Variants in LAMA2 observed in about 807,000 individuals in gnomAD.
LAMA2 encodes laminin subunit alpha 2.
LAMA2 carries 269 observed loss-of-function variants against 364.8 expected under a neutral mutation model. The ratio of observed to expected loss-of-function variants is 0.74; its 90% CI spans 0.67 to 0.82. LAMA2 has a LOEUF of 0.82. Ranked by LOEUF, LAMA2 falls within the 40% of genes least tolerant of loss-of-function variation. LAMA2 has a pLI of 0.00. For missense variants in LAMA2, 3,807 were observed against 3,873.2 expected (o/e 0.98, Z 0.45); for synonymous variants, 1,379 against 1,370.6 (o/e 1.01, Z -0.14).
chr6:129,193,521 A>G (rs866065463), intron 12 of LAMA2, among the ~76,000 whole-genome samples: 1 of 152,342 alleles, frequency 6.6e-6, no homozygotes, highest in East Asian at 1.9e-4. Flanking sequence ...ACTTCTATCT[A>G]GATAGATATC....
intron 1 of LAMA2, among the ~76,000 whole-genome samples, chr6:128,935,599 G>T (rs1779768374): frequency 6.6e-6 from 1 of 152,034 alleles, no homozygotes; most frequent in African/African-American, 2.4e-5. Flanking sequence ...ATAATTTGTT[G>T]TTAATATAGA....
intron 12 of LAMA2, among the ~76,000 whole-genome samples, chr6:129,200,659 T>C (rs1340990423): frequency 6.6e-6 from 1 of 152,022 alleles, no homozygotes; most frequent in Non-Finnish European, 1.5e-5. Flanking sequence ...GAAAATCTTA[T>C]CTGATATAAA....
In LAMA2 at chr6:128,990,775, T is replaced by A. The variant is rs546673771; in HGVS notation, c.113-59143T>A. Reference sequence around the variant, plus strand: ...ATTGTGTGGGTGTGTGTGTGTGCTGTTTGAAACAAATGAACTAAAAATGTT... The same window carrying A: ...ATTGTGTGGGTGTGTGTGTGTGCTGATTGAAACAAATGAACTAAAAATGTT... On this transcript the variant is annotated intron_variant, in intron 1 of 64. Coordinates refer to ENST00000421865, the MANE Select transcript of LAMA2 (RefSeq NM_000426.4). Among the ~76,000 whole-genome samples the A allele has an allele frequency of 2.6e-5, 4 of 152,216 alleles. No homozygotes were observed. In the East Asian group the frequency reaches 7.7e-4, roughly 29 times the overall value.
At chr6:129,204,999 C>T (rs1364826140) in intron 12 of LAMA2, among the ~76,000 whole-genome samples, 1 of 151,992 alleles carries the variant, frequency 6.6e-6, no homozygotes, top group Non-Finnish European at 1.5e-5. Context: ...GAAAGTCAAC[C>T]AAATGAATAA....
chr6:129,223,530 G>A (rs1784026607), intron 12 of LAMA2, among the ~76,000 whole-genome samples: 1 of 152,164 alleles, frequency 6.6e-6, no homozygotes, highest in African/African-American at 2.4e-5. Flanking sequence ...TAAGGTGTAA[G>A]GAAGGGATCC....
intron 4 of LAMA2, among the ~76,000 whole-genome samples, chr6:129,118,007 A>G (rs1328988785): frequency 6.6e-6 from 1 of 152,178 alleles, no homozygotes; most frequent in African/African-American, 2.4e-5. Context: ...TGTAGGAGGA[A>G]TAGTGACATG....
intron 40 of LAMA2, among the ~76,000 whole-genome samples, chr6:129,420,182 T>G (rs1352367572): frequency 1.3e-5 from 2 of 152,122 alleles, no homozygotes; most frequent in African/African-American, 4.8e-5. Context: ...GTTTCATAAC[T>G]TACTATGGGA....
chr6:129,113,465 A>G (rs1171947154), intron 4 of LAMA2, among the ~76,000 whole-genome samples: 1 of 152,014 alleles, frequency 6.6e-6, no homozygotes, highest in Non-Finnish European at 1.5e-5. Flanking sequence ...ATCCTAAGGC[A>G]GACAGAAACG....
At chr6:129,126,046 CTGT>C (rs1484458974) in intron 4 of LAMA2, among the ~76,000 whole-genome samples, 2 of 152,154 alleles carry the variant, frequency 1.3e-5, no homozygotes, top group East Asian at 1.9e-4. Context: ...CTGCCTGCTG[CTGT>C]TTTCAGTAAT....
intron 44 of LAMA2, 108 bp downstream of exon 44, chr6:129,443,176 T>A: frequency 1.4e-6 from 1 of 728,310 alleles, no homozygotes; most frequent in Non-Finnish European, 2.4e-6. Context: ...CTTTAAACAT[T>A]GCGTAGCTAT....
chr6:129,488,574 A>G (rs1214628147), intron 56 of LAMA2, among the ~76,000 whole-genome samples: 1 of 152,206 alleles, frequency 6.6e-6, no homozygotes, highest in Non-Finnish European at 1.5e-5. Flanking sequence ...AGCTCAGTAT[A>G]TAGTACATCA....
At chr6:129,053,961 A>G (rs535064865) in intron 2 of LAMA2, among the ~76,000 whole-genome samples, 1 of 152,342 alleles carries the variant, frequency 6.6e-6, no homozygotes, top group East Asian at 1.9e-4. Flanking sequence ...GGTGGTGGGC[A>G]TGGTGTCTCT....
intron 33 of LAMA2, among the ~76,000 whole-genome samples, chr6:129,367,869 T>G (rs1285464628): frequency 2.0e-5 from 3 of 152,198 alleles, no homozygotes; most frequent in Non-Finnish European, 4.4e-5. Flanking sequence ...AATTTATATG[T>G]TGAAAGTCTG....
chr6:129,498,136 G>A (rs1583894222), intron 58 of LAMA2, among the ~76,000 whole-genome samples: 1 of 152,166 alleles, frequency 6.6e-6, no homozygotes, highest in Non-Finnish European at 1.5e-5. Context: ...TGAGCTGGCT[G>A]CATTCTTTTA....
chr6:129,206,879 G>GTGCT (rs1324432294), intron 12 of LAMA2, among the ~76,000 whole-genome samples: 1 of 152,254 alleles, frequency 6.6e-6, no homozygotes, highest in Non-Finnish European at 1.5e-5. Flanking sequence ...CTGTGAAAGA[G>GTGCT]TGCTTATCTC....
At chr6:129,088,168 C>G in intron 3 of LAMA2, among the ~76,000 whole-genome samples, 1 of 144,538 alleles carries the variant, frequency 6.9e-6, no homozygotes. Context: ...TCCATTCAAC[C>G]CTGAGTGGAC....
At chr6:128,892,872 A>G (rs911529542) in intron 1 of LAMA2, among the ~76,000 whole-genome samples, 3 of 151,934 alleles carry the variant, frequency 2.0e-5, no homozygotes, top group African/African-American at 7.2e-5. Context: ...ACAAAACCAA[A>G]AAACCTACTT....
At chr6:129,176,133 T>G (rs1264469267) in intron 9 of LAMA2, among the ~76,000 whole-genome samples, 1 of 152,074 alleles carries the variant, frequency 6.6e-6, no homozygotes, top group African/African-American at 2.4e-5. Flanking sequence ...TGCTATTATA[T>G]TCTACCTAGA....
chr6:129,368,879 C>T (rs1425506614), intron 33 of LAMA2, among the ~76,000 whole-genome samples: 1 of 152,136 alleles, frequency 6.6e-6, no homozygotes, highest in African/African-American at 2.4e-5. Flanking sequence ...GTCAGTGCTC[C>T]CCAAGCTTCA....
Sources: gnomAD v4.1 joint callset for allele counts (sites outside exome capture counted in the v4.1 genomes callset) on GRCh38, gnomAD v4.1.1 for gene constraint, MANE v1.5 for transcripts, NCBI Gene and HGNC (gene_info 2026-07-23, HGNC 2026-07-21) for gene names.